The following DNAAF5 variants were observed in gnomAD, a reference collection of about 807,000 sequenced individuals.
DNAAF5 encodes dynein axonemal assembly factor 5.
DNAAF5 carries 64 observed loss-of-function variants against 75.8 expected under a neutral mutation model. The observed-to-expected ratio is 0.84, with a 90% CI of 0.69 to 1.04. DNAAF5 has a LOEUF of 1.04. Among genes scored for constraint, DNAAF5 ranks in the 50% least tolerant of loss-of-function variants. The pLI, the probability that DNAAF5 is intolerant of heterozygous loss-of-function variation, is 0.00. For synonymous variants in DNAAF5, 657 were observed against 557.2 expected, an observed-to-expected ratio of 1.18 and a Z score of -2.52; for missense variants, 1,269 against 1,178.5, an observed-to-expected ratio of 1.08 and a Z score of -1.12.
chr7:770,693 G>A, intron 9 of DNAAF5, 75 bp downstream of exon 9: 6 of 1,415,484 alleles, frequency 4.2e-6, no homozygotes, highest in Non-Finnish European at 5.8e-6. Context: ...CTCCCCAACA[G>A]CTCACTGAGC....
rs1044882710 is a variant in DNAAF5, at chr7:754,082, A to G, written c.1025-507A>G. On this transcript the variant is annotated intron_variant, in intron 4 of 12. Coordinates refer to ENST00000297440, the MANE Select transcript of DNAAF5 (RefSeq NM_017802.4). The surrounding 1 kb of genome is among the most constrained non-coding windows in gnomAD (Gnocchi z 4.8). The stretch of plus-strand genomic sequence containing the variant: ...CGCAGGCGTGTGTCTCTCTGATCAT[A>G]GGGGGACGGCTTCGCAGGCGTGTCT... 4.6e-5 allele frequency among the ~76,000 whole-genome samples: 7 copies of G among 150,612 alleles called. No homozygotes were observed. The highest frequency in any genetic ancestry group is 1.0e-4 in the Non-Finnish European group (7 of 67,824).
Position 756,987 on chromosome 7 carries a change from C to T in DNAAF5, c.1463C>T (p.Ser488Phe), listed in dbSNP as rs2128078981. The T allele has an allele frequency of 1.2e-6, 2 of 1,603,016 alleles. No homozygotes were observed. Among genetic ancestry groups the T allele is most frequent in the South Asian group, 1.1e-5 (1 of 91,002 alleles). Residue 488 changes from serine (S) to phenylalanine (F), a missense_variant, in exon 6 of 13, where the codon TCT becomes TTT. Transcript: ENST00000297440. ...ELAQAHICQASENDLYLERLL... is the reference protein window; with the variant it reads ...ELAQAHICQAFENDLYLERLL... Reference sequence around the variant, plus strand: ...GCACAGGCCCACATCTGCCAGGCATCTGAAAACGTAAGAGCACTTGGGAGA... The same window carrying T: ...GCACAGGCCCACATCTGCCAGGCATTTGAAAACGTAAGAGCACTTGGGAGA...
At chr7:764,052 G>A in intron 8 of DNAAF5, 78 bp downstream of exon 8, 1 of 1,498,360 alleles carries the variant, frequency 6.7e-7, no homozygotes. Flanking sequence ...TGCTCAGCAG[G>A]TACCAGCGCC....
At position 746,551 on chromosome 7, in the gene DNAAF5, G is replaced by A. The variant is rs545029579; in HGVS notation, c.1024+5086G>A. ...AGCGTCTGTGTCATCCCTTTCCCCC[G>A]CCCGCCGTGCCCAGGCTCTGTGTCG... is the stretch of plus-strand genomic sequence containing the variant. On this transcript the variant is annotated intron_variant, in intron 4 of 12. Transcript: ENST00000297440. Among the ~76,000 whole-genome samples, 34 of 120,158 alleles carry A rather than the reference G, an allele frequency of 2.8e-4. 1 individual carries two copies. In the South Asian group the frequency reaches 6.3e-3, roughly 22 times the overall value. 78.8% of individuals were successfully genotyped at this position (120,158 alleles called of 152,430 possible).
intron 2 of DNAAF5, among the ~76,000 whole-genome samples, chr7:735,819 TG>T (rs1226946065): frequency 1.3e-5 from 2 of 152,162 alleles, no homozygotes; most frequent in African/African-American, 4.8e-5. Flanking sequence ...CTACTAATTT[TG>T]GGTTTGGTTT....
At chr7:763,710 G>C (rs1562391893) in intron 7 of DNAAF5, 96 bp from the exon 8 acceptor site, 1 of 1,390,098 alleles carries the variant, frequency 7.2e-7, no homozygotes, top group Non-Finnish European at 1.0e-6. Flanking sequence ...GGCCTGTGTG[G>C]TTCTTACGCG....
At chr7:775,511 GGTGTGTGTGTGTGT>G (rs10582414) in intron 11 of DNAAF5, among the ~76,000 whole-genome samples, 1 of 150,504 alleles carries the variant, frequency 6.6e-6, no homozygotes, top group African/African-American at 2.4e-5. Flanking sequence ...TAAAAGTAGG[GGTGTGTGTGTGTGT>G]GTGTGTGTGT....
chr7:779,092 G>T (rs1778854297), intron 11 of DNAAF5, among the ~76,000 whole-genome samples: 1 of 152,248 alleles, frequency 6.6e-6, no homozygotes, highest in Non-Finnish European at 1.5e-5. Context: ...TGGCTTGGTA[G>T]GATGGCCTGA....
intron 4 of DNAAF5, among the ~76,000 whole-genome samples, chr7:749,236 C>G (rs1401164102): frequency 1.3e-5 from 2 of 152,250 alleles, no homozygotes; most frequent in African/African-American, 4.8e-5. Context: ...GACAATCACA[C>G]TGCCAGCCGC....
At chr7:774,402 G>T (rs1356238245) in intron 10 of DNAAF5, among the ~76,000 whole-genome samples, 1 of 152,212 alleles carries the variant, frequency 6.6e-6, no homozygotes, top group Non-Finnish European at 1.5e-5. Context: ...GCAGGCGGGA[G>T]AGCGGGAGCC....
intron 2 of DNAAF5, among the ~76,000 whole-genome samples, chr7:735,794 C>G (rs1781725204): frequency 6.6e-6 from 1 of 151,890 alleles, no homozygotes; most frequent in Admixed American, 6.6e-5. Flanking sequence ...TATTTCTGCT[C>G]TTATTTCTTG....
chr7:743,463 C>G (rs1351609984), intron 4 of DNAAF5, among the ~76,000 whole-genome samples: 2 of 151,956 alleles, frequency 1.3e-5, no homozygotes, highest in Non-Finnish European at 2.9e-5. Flanking sequence ...GCCGTGGCTC[C>G]TCCCGAGCCT....
intron 6 of DNAAF5, 22 bp from the exon 7 acceptor site, chr7:761,731 C>G (rs879123400): frequency 1.9e-6 from 3 of 1,583,634 alleles, no homozygotes; most frequent in Non-Finnish European, 2.6e-6. Flanking sequence ...CAAGCTCTGA[C>G]GGTGCTGCCG....
rs115236549 is a variant in DNAAF5, at chr7:736,613, C to T, written c.781-4206C>T. 2.2e-3 allele frequency among the ~76,000 whole-genome samples: 339 copies of T among 152,230 alleles called. 3 individuals are homozygous for T. The highest frequency in any genetic ancestry group is 7.8e-3 in the African/African-American group (323 of 41,534). The stretch of plus-strand genomic sequence containing the variant: ...TGTGCCTTTTTAGTGACGTGTATTT[C>T]TTGTAGGCAACAGATTGCTGGGTCC... On this transcript the variant is annotated intron_variant, in intron 2 of 12. Transcript: ENST00000297440.
intron 8 of DNAAF5, among the ~76,000 whole-genome samples, chr7:768,023 G>T (rs190905880): frequency 1.8e-3 from 261 of 148,116 alleles, no homozygotes; most frequent in Non-Finnish European, 3.1e-3. Context: ...TCCTTGCAGC[G>T]AGCAGGAGCT....
rs935310915 is a variant in DNAAF5 at position 762,679 on chromosome 7, T to C, written c.1614+783T>C. 2.0e-5 allele frequency among the ~76,000 whole-genome samples: 3 copies of C among 151,404 alleles called. No individual in the cohort carries two copies. In the South Asian group the frequency reaches 6.4e-4, roughly 32 times the overall value. ...CCCAGGCTGGAGTGCAGTGGCGCGA[T>C]CTCGGCTCACTGCAACTTCTGCCTC... On this transcript the variant is annotated intron_variant, in intron 7 of 12. Transcript: ENST00000297440.
Position 774,990 on chromosome 7 carries a change from T to C in DNAAF5, c.2083-16T>C. The C allele has an allele frequency of 6.2e-7, 1 of 1,613,572 alleles. No homozygotes were observed. Among genetic ancestry groups the C allele is most frequent in the Middle Eastern group, 1.7e-4 (1 of 5,932 alleles). ...GGACAGATGTGAGTCACGTCGTATG[T>C]GTTTGCTGATTGCAGATACGGGACG... is the stretch of plus-strand genomic sequence containing the variant. On this transcript the variant is annotated splice_polypyrimidine_tract_variant and intron_variant, in intron 10 of 12. Transcript: ENST00000297440.
At position 754,625 on chromosome 7, in the gene DNAAF5, T is replaced by G. The variant is rs767306547; in HGVS notation, c.1061T>G (p.Phe354Cys). The G allele has an allele frequency of 2.5e-5, 41 of 1,614,022 alleles. No homozygotes were observed. Among genetic ancestry groups the G allele is most frequent in the Non-Finnish European group, 3.5e-5 (41 of 1,180,012 alleles). Residue 354 changes from phenylalanine to cysteine, a missense_variant, in exon 5 of 13, where the codon TTC becomes TGC. Coordinates refer to ENST00000297440, the MANE Select transcript of DNAAF5 (RefSeq NM_017802.4). The surrounding 1 kb of genome is among the most constrained non-coding windows in gnomAD (Gnocchi z 4.8). The stretch of plus-strand genomic sequence containing the variant: ...GTGCTGGGCTGCCGGGAGCTCGTCT[T>G]CAGGAACCTCTCCAAGATCCTCCCT... ...RPVLGCRELV[F>C]RNLSKILPAL...
intron 8 of DNAAF5, 148 bp downstream of exon 8, chr7:764,122 GC>G (rs1332652759): frequency 4.9e-6 from 4 of 817,282 alleles, no homozygotes; most frequent in Admixed American, 5.1e-5. Context: ...AGTCACTCTT[GC>G]CTGGGGAGAA....
Sources: allele counts gnomAD v4.1 joint callset (sites outside exome capture counted in the v4.1 genomes callset), GRCh38; gene constraint gnomAD v4.1.1; non-coding constraint Gnocchi (gnomAD v3.1); transcripts MANE v1.5; gene names NCBI Gene and HGNC (gene_info 2026-07-23, HGNC 2026-07-21).